The following UBXN2A variants were observed in gnomAD, a reference collection of about 807,000 sequenced individuals.
The protein encoded by UBXN2A is UBX domain protein 2A.
Under a neutral mutation model 28.4 loss-of-function variants are expected in UBXN2A, and 28 were observed. The ratio of observed to expected loss-of-function variants is 0.99; its 90% CI spans 0.73 to 1.35. UBXN2A has a LOEUF of 1.35. UBXN2A is among the 40% of genes most tolerant of loss of function. UBXN2A has a pLI of 0.00. For missense variants in UBXN2A, 253 were observed against 297.9 expected, an observed-to-expected ratio of 0.85 and a Z score of 1.11; for synonymous variants, 97 against 103.6, an observed-to-expected ratio of 0.94 and a Z score of 0.39.
intron 6 of UBXN2A, among the ~76,000 whole-genome samples, chr2:23,987,415 A>G (rs1442601502): frequency 6.6e-6 from 1 of 152,184 alleles, no homozygotes; most frequent in Non-Finnish European, 1.5e-5. Flanking sequence ...GTATATATGT[A>G]TTGCTAAAAT....
intron 2 of UBXN2A, among the ~76,000 whole-genome samples, chr2:23,964,789 A>G (rs572266028): frequency 6.6e-6 from 1 of 152,328 alleles, no homozygotes; most frequent in East Asian, 1.9e-4. Context: ...AAAACTTTTT[A>G]GAAAATCCCT....
At chr2:23,989,966 A>G (rs988204079) in intron 6 of UBXN2A, among the ~76,000 whole-genome samples, 1 of 152,144 alleles carries the variant, frequency 6.6e-6, no homozygotes, top group African/African-American at 2.4e-5. Flanking sequence ...ACTAACTTCT[A>G]CAGTGCAAGG....
At chr2:23,928,561 A>T (rs1230876537) in intron 1 of UBXN2A, among the ~76,000 whole-genome samples, 1 of 152,134 alleles carries the variant, frequency 6.6e-6, no homozygotes, top group African/African-American at 2.4e-5. Context: ...TGGGTGACAG[A>T]ATGAGACTCC....
At chr2:23,935,188 G>A (rs778686173) in intron 1 of UBXN2A, among the ~76,000 whole-genome samples, 2 of 152,046 alleles carry the variant, frequency 1.3e-5, no homozygotes, top group African/African-American at 2.4e-5. Flanking sequence ...ATAGTTTCTT[G>A]GATATGACAC....
upstream of UBXN2A, among the ~76,000 whole-genome samples, chr2:23,935,598 G>C (rs1001527657): frequency 5.9e-5 from 9 of 152,154 alleles, no homozygotes; most frequent in Non-Finnish European, 8.8e-5. Context: ...TACACACACA[G>C]AGAAAATAAC....
intron 3 of UBXN2A, among the ~76,000 whole-genome samples, chr2:23,972,478 A>G (rs1473693745): frequency 6.6e-6 from 1 of 151,664 alleles, no homozygotes; most frequent in Non-Finnish European, 1.5e-5. Context: ...TTCCAAGGGG[A>G]AAAAAAAACT....
intron 5 of UBXN2A, among the ~76,000 whole-genome samples, chr2:23,984,382 ATGAACCT>A (rs1708039320): frequency 6.6e-6 from 1 of 152,194 alleles, no homozygotes; most frequent in Non-Finnish European, 1.5e-5. Context: ...CCATAGATCT[ATGAACCT>A]TCTTTAAAAT....
intron 2 of UBXN2A, among the ~76,000 whole-genome samples, chr2:23,961,806 A>C (rs112788077): frequency 2.7e-5 from 4 of 150,082 alleles, no homozygotes; most frequent in African/African-American, 9.8e-5. Context: ...TCGGACTCCC[A>C]TAGTGCTGGG....
At chr2:23,955,965 A>G (rs1706601386) in intron 1 of UBXN2A, among the ~76,000 whole-genome samples, 1 of 152,214 alleles carries the variant, frequency 6.6e-6, no homozygotes, top group South Asian at 2.1e-4. Flanking sequence ...CCCAGGTTCA[A>G]GTAATTCTCA....
chr2:23,937,706 C>T (rs1394181518), upstream of UBXN2A, among the ~76,000 whole-genome samples: 1 of 152,146 alleles, frequency 6.6e-6, no homozygotes, highest in African/African-American at 2.4e-5. Flanking sequence ...AGGTACGAGA[C>T]TTGTACGTGG....
chr2:23,944,909 A>G (rs999449049), intron 1 of UBXN2A, among the ~76,000 whole-genome samples: 4 of 152,212 alleles, frequency 2.6e-5, no homozygotes, highest in African/African-American at 9.6e-5. Flanking sequence ...TTCTTGGAGC[A>G]GCTGCTTTGA....
intron 1 of UBXN2A, among the ~76,000 whole-genome samples, chr2:23,930,859 TTAAAA>T (rs1364411088): frequency 2.0e-5 from 3 of 150,598 alleles, no homozygotes; most frequent in Admixed American, 1.3e-4. Context: ...TCTCTATAAA[TTAAAA>T]TAAAATTTAA....
At chr2:23,960,264 A>G (rs1477295140) in intron 2 of UBXN2A, among the ~76,000 whole-genome samples, 1 of 151,938 alleles carries the variant, frequency 6.6e-6, no homozygotes. Flanking sequence ...TCAAAAAAAA[A>G]CAAAAAAACA....
At position 23,999,868 on chromosome 2, in the gene UBXN2A, T is replaced by C. The variant is rs371072453; in HGVS notation, c.*1T>C. 1.0e-5 allele frequency: 16 copies of C among 1,607,822 alleles called. No individual in the cohort carries two copies. The highest frequency in any genetic ancestry group is 1.4e-5 in the Non-Finnish European group (16 of 1,177,202). On this transcript the variant is annotated 3_prime_UTR_variant, in exon 7 of 7. Transcript: ENST00000309033. ...TTTTAGAGAACTTTCAGAGCACTGA[T>C]TTTTGATAGACTAAGTGGAAAATTT...
At chr2:23,948,097 C>T (rs370478602) in intron 1 of UBXN2A, among the ~76,000 whole-genome samples, 4 of 151,222 alleles carry the variant, frequency 2.6e-5, no homozygotes, top group South Asian at 2.1e-4. Flanking sequence ...TGAGGTGATC[C>T]GCCCGCCTCA....
intron 3 of UBXN2A, among the ~76,000 whole-genome samples, chr2:23,976,593 C>T (rs930123948): frequency 1.3e-5 from 2 of 152,110 alleles, no homozygotes; most frequent in Non-Finnish European, 2.9e-5. Context: ...CACCAGATCT[C>T]GTGAGACTTA....
At position 24,003,181 on chromosome 2, in the gene UBXN2A, CCTTT is replaced by C. The variant is rs1450713636; in HGVS notation, c.*3318_*3321del. 6.6e-6 allele frequency: 1 copy of C among 152,132 alleles called. No individual in the cohort carries two copies. Among genetic ancestry groups the C allele is most frequent in the African/African-American group, 2.4e-5 (1 of 41,416 alleles). 9.4% of individuals were successfully genotyped at this position (152,132 alleles called of 1,614,324 possible). ...GATTCTTAAGTATGTGGTGGAAGTACCTTTCTTCAGGAAATTCTGTCCTAAGCTT... is the reference window on the plus strand; with the variant it reads ...GATTCTTAAGTATGTGGTGGAAGTACCTTCAGGAAATTCTGTCCTAAGCTT... On this transcript the variant is annotated 3_prime_UTR_variant, in exon 7 of 7. Transcript: ENST00000309033.
chr2:23,980,031 AATC>A (rs1211501053), intron 4 of UBXN2A, among the ~76,000 whole-genome samples: 2 of 152,150 alleles, frequency 1.3e-5, no homozygotes, highest in Non-Finnish European at 1.5e-5. Context: ...ACAGTTTTAC[AATC>A]ATCAGCACAA....
intron 3 of UBXN2A, among the ~76,000 whole-genome samples, chr2:23,972,686 G>A (rs191624760): frequency 8.9e-4 from 135 of 152,142 alleles, no homozygotes; most frequent in African/African-American, 3.1e-3. Context: ...GCCGGGTGTG[G>A]TGGTGCGTGC....
Sources: gnomAD v4.1 joint callset for allele counts (sites outside exome capture counted in the v4.1 genomes callset) on GRCh38, gnomAD v4.1.1 for gene constraint, MANE v1.5 for transcripts, NCBI Gene and HGNC (gene_info 2026-07-23, HGNC 2026-07-21) for gene names.